MSX2: variants seen among roughly 807,000 people sequenced by gnomAD.
MSX2 encodes the protein msh homeobox 2.
Under a neutral mutation model 18.4 loss-of-function variants are expected in MSX2, and 10 were observed. The observed-to-expected ratio is 0.54, with a 90% CI of 0.34 to 0.92. The LOEUF (loss-of-function observed/expected upper bound fraction) is 0.92. Among genes scored for constraint, MSX2 ranks in the 40% least tolerant of loss-of-function variants. MSX2 has a pLI of 0.02. For synonymous variants in MSX2, 170 were observed against 165.6 expected (o/e 1.03, Z -0.20); for missense variants, 339 against 364.0 (o/e 0.93, Z 0.56).
In MSX2 at chr5:174,724,828, A is replaced by T; in HGVS notation, c.169A>T (p.Lys57Ter). The T allele has an allele frequency of 6.4e-7, 1 of 1,551,212 alleles. No homozygotes were observed. Among genetic ancestry groups the T allele is most frequent in the Non-Finnish European group, 8.7e-7 (1 of 1,147,756 alleles). ...FSVEALMSDKKPPKEASPLPA... is the reference protein window; with the variant it reads ...FSVEALMSDK ...CGTGGAGGCGCTCATGTCCGACAAG[A>T]AGCCGCCCAAGGAGGCGTCCCCGCT... Residue 57 changes from lysine (K) to a stop codon, truncating the protein, a stop_gained, in exon 1 of 2, where the codon AAG (lysine) becomes TAG (stop). Transcript: ENST00000239243. LOFTEE classifies it high-confidence loss of function.
chr5:174,725,685 C>T (rs994039053), intron 1 of MSX2, among the ~76,000 whole-genome samples: 1 of 152,172 alleles, frequency 6.6e-6, no homozygotes, highest in Non-Finnish European at 1.5e-5. Context: ...AGCACCTCCC[C>T]GGCAAGGTTC....
At position 174,729,552 on chromosome 5, in the gene MSX2, C is replaced by T; in HGVS notation, c.773C>T (p.Pro258Leu). The T allele has an allele frequency of 6.2e-7, 1 of 1,612,922 alleles. No individual in the cohort carries two copies. The change falls in exon 2 of 2, where the codon CCA (proline) becomes CTA (leucine). Residue 258 changes from proline (P) to leucine (L), a missense_variant. Physicochemically the swap from Pro to Leu is moderately conservative, Grantham distance 98. Around this residue, in one of 2 missense-constraint regions of MSX2, gnomAD observed 128 missense variants for 178.6 expected, o/e 0.72. Transcript: ENST00000239243. ...CCGCCTGTGGGACTCTATGCCACGC[C>T]AGTGGGATATGGCATGTACCACCTG... is the stretch of plus-strand genomic sequence containing the variant. ...PIPPVGLYAT[P>L]VGYGMYHLS
At chr5:174,728,481 A>C (rs1272101737) in intron 1 of MSX2, among the ~76,000 whole-genome samples, 1 of 152,228 alleles carries the variant, frequency 6.6e-6, no homozygotes. Context: ...CTATTAATTT[A>C]CCACAGACCT....
At chr5:174,726,189 C>T (rs1760792671) in intron 1 of MSX2, among the ~76,000 whole-genome samples, 1 of 152,066 alleles carries the variant, frequency 6.6e-6, no homozygotes, top group Non-Finnish European at 1.5e-5. Context: ...GTTTCTCTAC[C>T]CCCTAATTTC....
rs1561643994 is a variant in MSX2, at chr5:174,730,867, T to C, written c.*1284T>C. Reference sequence around the variant, plus strand: ...TCTGAATTAAATTAAGCATTTGTTTTATTGCAGTAAAGTTTGTCCAAACTC... The same window carrying C: ...TCTGAATTAAATTAAGCATTTGTTTCATTGCAGTAAAGTTTGTCCAAACTC... On this transcript the variant is annotated 3_prime_UTR_variant, in exon 2 of 2. Transcript: ENST00000239243. The C allele has an allele frequency of 1.3e-5, 2 of 152,700 alleles. No homozygotes were observed. The highest frequency in any genetic ancestry group is 2.9e-5 in the Non-Finnish European group (2 of 68,054). The allele number at this position is 152,700 out of a possible 1,614,324, so 9.5% of individuals were successfully genotyped here.
Position 174,725,001 on chromosome 5 carries a change from G to A in MSX2, c.342G>A (p.Ala114=), listed in dbSNP as rs2113492260. The change falls in exon 1 of 2, where the codon GCG becomes GCA. Residue 114 remains alanine, a synonymous_variant. Transcript: ENST00000239243. ...CGGAAAATTCAGAAGATGGAGCGGC[G>A]TGGATGCAGGAACCCGGCCGATATT... The part of the protein sequence containing the change: ...VKSENSEDGA[A]WMQEPGRYSP... The A allele has an allele frequency of 2.5e-6, 4 of 1,610,638 alleles. No homozygotes were observed. The highest frequency in any genetic ancestry group is 3.4e-6 in the Non-Finnish European group (4 of 1,179,474).
rs1354090942 is a variant in MSX2 at position 174,725,055 on chromosome 5, G to A, written c.379+17G>A. 3 of 1,608,552 alleles carry A rather than the reference G, an allele frequency of 1.9e-6. No homozygotes were observed. Among genetic ancestry groups the A allele is most frequent in the East Asian group, 4.5e-5 (2 of 44,722 alleles). ...CGCCGCCAAGTGAGTGCGCGCCGGGGCAGGAGTAGGAGGTAGCGCGGGGTA... is the reference window on the plus strand; with the variant it reads ...CGCCGCCAAGTGAGTGCGCGCCGGGACAGGAGTAGGAGGTAGCGCGGGGTA... On this transcript the variant is annotated intron_variant, in intron 1 of 1. Coordinates refer to ENST00000239243, the MANE Select transcript of MSX2 (RefSeq NM_002449.5).
In MSX2 at chr5:174,724,889, G is replaced by T; in HGVS notation, c.230G>T (p.Arg77Leu). Reference protein sequence around the residue: ...AESASAGATLRPLLLSGHGAR... With the variant: ...AESASAGATLLPLLLSGHGAR... ...AGCGCCTCGGCCGGGGCCACCCTGC[G>T]GCCACTGCTGCTGTCGGGGCACGGC... The change falls in exon 1 of 2, where the codon CGG becomes CTG. Residue 77 changes from arginine to leucine, a missense_variant. Arg to Leu is a moderately radical substitution (Grantham distance 102). Coordinates refer to ENST00000239243, the MANE Select transcript of MSX2 (RefSeq NM_002449.5). The T allele has an allele frequency of 6.4e-7, 1 of 1,564,046 alleles. No homozygotes were observed. The highest frequency in any genetic ancestry group is 8.7e-7 in the Non-Finnish European group (1 of 1,155,014).
chr5:174,727,140 G>C (rs1760820131), intron 1 of MSX2, among the ~76,000 whole-genome samples: 1 of 152,196 alleles, frequency 6.6e-6, no homozygotes, highest in Admixed American at 6.5e-5. Flanking sequence ...CCTGTGGTCA[G>C]AGTAGTGGGT....
At chr5:174,726,518 A>C (rs1394420820) in intron 1 of MSX2, among the ~76,000 whole-genome samples, 1 of 149,860 alleles carries the variant, frequency 6.7e-6, no homozygotes, top group South Asian at 2.1e-4. Flanking sequence ...GTAGGGCAGC[A>C]GCCGGCCTCT....
In MSX2 at chr5:174,727,083, C is replaced by T. The variant is rs545167077; in HGVS notation, c.379+2045C>T. Among the ~76,000 whole-genome samples, 30 of 152,030 alleles carry T rather than the reference C, an allele frequency of 2.0e-4. 1 individual carries two copies. In the South Asian group the frequency reaches 6.1e-3, roughly 31 times the overall value. ...AAAACAAAAAAACAAAAAAAAAACA[C>T]CATGAAGAATTGTTGGTGCTTTGGG... is the stretch of plus-strand genomic sequence containing the variant. On this transcript the variant is annotated intron_variant, in intron 1 of 1. Coordinates refer to ENST00000239243, the MANE Select transcript of MSX2 (RefSeq NM_002449.5).
At chr5:174,726,773 A>G (rs180926112) in intron 1 of MSX2, among the ~76,000 whole-genome samples, 135 of 152,266 alleles carry the variant, frequency 8.9e-4, no homozygotes, top group Non-Finnish European at 1.6e-3. Flanking sequence ...TTGTTTAACA[A>G]ATATTGAGTA....
rs569601106 is a variant in MSX2 at position 174,725,045 on chromosome 5, G to C, written c.379+7G>C. 225 of 1,609,530 alleles carry C rather than the reference G, an allele frequency of 1.4e-4. No homozygotes were observed. Among genetic ancestry groups the C allele is most frequent in the Non-Finnish European group, 1.8e-4 (216 of 1,179,118 alleles). ...CGATATTCGCCGCCGCCAAGTGAGT[G>C]CGCGCCGGGGCAGGAGTAGGAGGTA... is the stretch of plus-strand genomic sequence containing the variant. On this transcript the variant is annotated splice_region_variant and intron_variant, in intron 1 of 1. Transcript: ENST00000239243.
rs1207367744 is a variant in MSX2, at chr5:174,729,931, A to G, written c.*348A>G. The G allele has an allele frequency of 6.6e-6, 1 of 152,528 alleles. No homozygotes were observed. The highest frequency in any genetic ancestry group is 6.5e-5 in the Admixed American group (1 of 15,284). 9.4% of individuals were successfully genotyped at this position (152,528 alleles called of 1,614,324 possible). A position where few individuals can be genotyped will look rare whatever the true frequency, so the allele number is the denominator to read the frequency against. On this transcript the variant is annotated 3_prime_UTR_variant, in exon 2 of 2. Transcript: ENST00000239243. ...TTTAAAAGGCAAAATTTATATACAT[A>G]TGTGCTTTTTTTCTATATCTCACCT...
In MSX2 at chr5:174,730,813, A is replaced by G. The variant is rs567135134; in HGVS notation, c.*1230A>G. Reference sequence around the variant, plus strand: ...TTTGAAAGGGTGCTTGTACAATTTGATATATTTTATTGAAGAGTTATCTCT... The same window carrying G: ...TTTGAAAGGGTGCTTGTACAATTTGGTATATTTTATTGAAGAGTTATCTCT... On this transcript the variant is annotated 3_prime_UTR_variant, in exon 2 of 2. Transcript: ENST00000239243. 5 of 152,416 alleles carry G rather than the reference A, an allele frequency of 3.3e-5. No homozygotes were observed. Among genetic ancestry groups the G allele is most frequent in the Non-Finnish European group, 5.9e-5 (4 of 68,016 alleles). 9.4% of individuals were successfully genotyped at this position (152,416 alleles called of 1,614,324 possible). A position where few individuals can be genotyped will look rare whatever the true frequency, so the allele number is the denominator to read the frequency against.
At chr5:174,727,253 A>G (rs1037805080) in intron 1 of MSX2, among the ~76,000 whole-genome samples, 6 of 152,096 alleles carry the variant, frequency 3.9e-5, no homozygotes, top group African/African-American at 1.4e-4. Flanking sequence ...TTTGCCTTAT[A>G]TAATCGCATC....
In MSX2 at chr5:174,724,916, C is replaced by A. The variant is rs1760746913; in HGVS notation, c.257C>A (p.Ala86Asp). The change falls in exon 1 of 2, where the codon GCT becomes GAT. Residue 86 changes from alanine (A) to aspartate (D), a missense_variant. Ala to Asp is a moderately radical substitution (Grantham distance 126). This residue lies in a region of MSX2 where 211 missense variants were observed against 185.4 expected (regional missense o/e 1.14). Transcript: ENST00000239243. ...CCACTGCTGCTGTCGGGGCACGGCG[C>A]TCGGGAAGCGCACAGCCCCGGGCCG... ...LRPLLLSGHG[A>D]REAHSPGPLV... is the part of the protein sequence containing the mutation. The A allele has an allele frequency of 6.3e-7, 1 of 1,577,116 alleles. No individual in the cohort carries two copies. Among genetic ancestry groups the A allele is most frequent in the Non-Finnish European group, 8.6e-7 (1 of 1,163,486 alleles).
In MSX2 at chr5:174,729,853, A is replaced by G. The variant is rs1394476402; in HGVS notation, c.*270A>G. The G allele has an allele frequency of 6.1e-6, 1 of 163,942 alleles. No homozygotes were observed. Among genetic ancestry groups the G allele is most frequent in the African/African-American group, 2.4e-5 (1 of 41,566 alleles). The allele number at this position is 163,942 out of a possible 1,614,324, so 10.2% of individuals were successfully genotyped here. A position where few individuals can be genotyped will look rare whatever the true frequency, so the allele number is the denominator to read the frequency against. ...ATGGTTTTTATGTATAAATATATAT[A>G]TATAATAAAATATAATACATTTTTA... On this transcript the variant is annotated 3_prime_UTR_variant, in exon 2 of 2. Transcript: ENST00000239243.
chr5:174,725,672 G>T (rs1484789934), intron 1 of MSX2, among the ~76,000 whole-genome samples: 1 of 152,162 alleles, frequency 6.6e-6, no homozygotes, highest in Admixed American at 6.5e-5. Context: ...GGTCTCCGCA[G>T]CCAGCACCTC....
Sources: allele counts gnomAD v4.1 joint callset (sites outside exome capture counted in the v4.1 genomes callset), GRCh38; gene constraint gnomAD v4.1.1; regional missense constraint gnomAD v4.1.1; transcripts MANE v1.5; gene names NCBI Gene and HGNC (gene_info 2026-07-23, HGNC 2026-07-21).